The following ADK variants were observed in gnomAD, a reference collection of about 807,000 sequenced individuals.
The protein encoded by ADK is N6,N6-dimethyladenosine kinase.
ADK carries 24 observed loss-of-function variants against 44.7 expected under a neutral mutation model. The ratio of observed to expected loss-of-function variants is 0.54; its 90% CI spans 0.39 to 0.76. The LOEUF (loss-of-function observed/expected upper bound fraction) is 0.76. Ranked by LOEUF, ADK falls within the 30% of genes least tolerant of loss-of-function variation. The pLI is 0.00. For missense variants in ADK, 321 were observed against 425.1 expected (o/e 0.76, Z 2.15); for synonymous variants, 128 against 142.6 (o/e 0.90, Z 0.73).
intron 4 of ADK, among the ~76,000 whole-genome samples, chr10:74,379,228 A>G (rs1257752859): frequency 6.6e-6 from 1 of 152,174 alleles, no homozygotes; most frequent in East Asian, 1.9e-4. Context: ...AGGTTAGGAA[A>G]TCATCGCAAC....
chr10:74,644,100 G>A (rs1301499157), intron 9 of ADK, among the ~76,000 whole-genome samples: 2 of 152,146 alleles, frequency 1.3e-5, no homozygotes, highest in African/African-American at 4.8e-5. Context: ...TTCTTGATAA[G>A]ACAGTTGGTC....
chr10:74,300,338 CCTTCCTTCCTTCCTTCCTTCCTTTCTTT>C lies in ADK; in HGVS notation c.195-14325_195-14298del, dbSNP rs1564641052. Among the ~76,000 whole-genome samples the C allele has an allele frequency of 1.8e-4, 14 of 78,406 alleles. 1 individual carries two copies. Among genetic ancestry groups the C allele is most frequent in the Non-Finnish European group, 3.4e-4 (12 of 34,962 alleles). The allele number at this position is 78,406 out of a possible 152,430, so 51.4% of individuals were successfully genotyped here. ...TCCTTCCTTCCTTCCTTCCTTCCTT[CCTTCCTTCCTTCCTTCCTTCCTTTCTTT>C]CTTTCTTCTTTGTCTCTTTTCTCTT... On this transcript the variant is annotated intron_variant, in intron 3 of 10. Coordinates refer to ENST00000539909, the MANE Select transcript of ADK (RefSeq NM_006721.4).
intron 6 of ADK, 38 bp from the exon 7 acceptor site, chr10:74,525,218 T>C: frequency 6.3e-7 from 1 of 1,578,556 alleles, no homozygotes; most frequent in Non-Finnish European, 8.7e-7. Context: ...ACTGTGGAGA[T>C]GGTATTTCTA....
intron 10 of ADK, among the ~76,000 whole-genome samples, chr10:74,673,715 C>G (rs573024111): frequency 6.6e-6 from 1 of 152,184 alleles, no homozygotes; most frequent in South Asian, 2.1e-4. Context: ...ACACTCATGG[C>G]ACCCGAGTTC....
chr10:74,168,910 C>T (rs1842098185), intron 1 of ADK, among the ~76,000 whole-genome samples: 1 of 151,924 alleles, frequency 6.6e-6, no homozygotes, highest in African/African-American at 2.4e-5. Flanking sequence ...CGTGCCTTGC[C>T]AAAATAAGGA....
At chr10:74,238,856 C>CTTTTTTTGTTTTTTTTTTTTTTTTT (rs1845081988) in intron 3 of ADK, among the ~76,000 whole-genome samples, 1 of 88,198 alleles carries the variant, frequency 1.1e-5, no homozygotes, top group Admixed American at 1.6e-4. Context: ...TTAGCTAGTG[C>CTTTTTTTGTTTTTTTTTTTTTTTTT]TTTTTTTTTT....
intron 7 of ADK, 150 bp downstream of exon 7, chr10:74,525,576 C>G: frequency 1.5e-6 from 1 of 645,348 alleles, no homozygotes; most frequent in Admixed American, 2.8e-5. Flanking sequence ...GCCTCAATGT[C>G]AACTGCTCTC....
At chr10:74,635,930 A>G (rs933439178) in intron 9 of ADK, among the ~76,000 whole-genome samples, 2 of 151,990 alleles carry the variant, frequency 1.3e-5, no homozygotes, top group African/African-American at 4.8e-5. Flanking sequence ...CCAAAAAAAA[A>G]AAAAAAAATT....
intron 7 of ADK, among the ~76,000 whole-genome samples, chr10:74,529,729 C>G (rs1332709241): frequency 6.6e-6 from 1 of 152,052 alleles, no homozygotes; most frequent in Non-Finnish European, 1.5e-5. Flanking sequence ...GAATTCGCTT[C>G]AAGAGGTATT....
chr10:74,559,101 G>T (rs1334487190), intron 7 of ADK, among the ~76,000 whole-genome samples: 4 of 152,196 alleles, frequency 2.6e-5, no homozygotes, highest in African/African-American at 9.6e-5. Flanking sequence ...CAGGCCTGCA[G>T]CCTCATGCTC....
At chr10:74,538,572 G>T (rs1849531215) in intron 7 of ADK, among the ~76,000 whole-genome samples, 1 of 152,186 alleles carries the variant, frequency 6.6e-6, no homozygotes, top group Admixed American at 6.5e-5. Flanking sequence ...AAAACAGAAA[G>T]ACTGCTAGAT....
intron 1 of ADK, among the ~76,000 whole-genome samples, chr10:74,164,259 G>C (rs1841977304): frequency 6.6e-6 from 1 of 152,180 alleles, no homozygotes; most frequent in South Asian, 2.1e-4. Context: ...TTTTAGGCTG[G>C]GTATGTTGGC....
At chr10:74,179,840 T>G (rs746837600) in intron 1 of ADK, among the ~76,000 whole-genome samples, 11 of 152,198 alleles carry the variant, frequency 7.2e-5, no homozygotes, top group Non-Finnish European at 1.3e-4. Context: ...TGCTTTCACT[T>G]TATGGACTTG....
intron 3 of ADK, among the ~76,000 whole-genome samples, chr10:74,274,652 A>T (rs1489933709): frequency 1.3e-5 from 2 of 149,834 alleles, no homozygotes; most frequent in South Asian, 2.1e-4. Context: ...TCATCTTCAT[A>T]TTGAGTAGGC....
Position 74,188,343 on chromosome 10 carries a change from A to ATTTT in ADK, c.66-12401_66-12398dup, listed in dbSNP as rs765922880. Among the ~76,000 whole-genome samples the ATTTT allele has an allele frequency of 2.2e-3, 181 of 81,330 alleles. 2 individuals carry two copies. Among genetic ancestry groups the ATTTT allele is most frequent in the Non-Finnish European group, 2.9e-3 (127 of 43,488 alleles). 53.4% of individuals were successfully genotyped at this position (81,330 alleles called of 152,430 possible). The stretch of plus-strand genomic sequence containing the variant: ...TTTCTATTTTGGACATGTATTTTTA[A>ATTTT]TTTTTTTTTTTTTTTTTTTTTTTGA... On this transcript the variant is annotated intron_variant, in intron 1 of 10. Coordinates refer to ENST00000539909, the MANE Select transcript of ADK (RefSeq NM_006721.4).
chr10:74,151,440 C>T, intron 1 of ADK, 97 bp downstream of exon 1: 2 of 1,346,690 alleles, frequency 1.5e-6, no homozygotes, highest in Non-Finnish European at 2.1e-6. Context: ...TGGTGTCTCT[C>T]ACTGCCAGCT....
intron 7 of ADK, among the ~76,000 whole-genome samples, chr10:74,547,216 CT>C (rs1295909200): frequency 2.6e-5 from 4 of 151,850 alleles, no homozygotes; most frequent in Admixed American, 2.6e-4. Context: ...TCAGATTTTT[CT>C]AGCTGTCCCA....
chr10:74,596,014 A>AC (rs1554886032), intron 8 of ADK, among the ~76,000 whole-genome samples: 17 of 150,262 alleles, frequency 1.1e-4, no homozygotes, highest in African/African-American at 4.2e-4. Context: ...AAAAAAAAAA[A>AC]AACCACTGAA....
intron 7 of ADK, among the ~76,000 whole-genome samples, chr10:74,562,916 T>C (rs1233655511): frequency 2.0e-5 from 3 of 152,096 alleles, no homozygotes; most frequent in Non-Finnish European, 4.4e-5. Context: ...CCATTTTTTT[T>C]CTTTGTGTTG....
Sources: gnomAD v4.1 joint callset for allele counts (sites outside exome capture counted in the v4.1 genomes callset) on GRCh38, gnomAD v4.1.1 for gene constraint, MANE v1.5 for transcripts, NCBI Gene and HGNC (gene_info 2026-07-23, HGNC 2026-07-21) for gene names.